Variants in CD96 observed in about 807,000 individuals in gnomAD.
CD96 encodes the protein T-cell surface protein tactile.
Under a neutral mutation model 71.3 loss-of-function variants are expected in CD96, and 70 were observed. The observed-to-expected ratio is 0.98, with a 90% CI of 0.81 to 1.20. CD96 has a LOEUF of 1.20. Among genes scored for constraint, CD96 ranks in the 50% most tolerant of loss-of-function variants. CD96 has a pLI of 0.00. For synonymous variants in CD96, 248 were observed against 233.0 expected, an observed-to-expected ratio of 1.06 and a Z score of -0.59; for missense variants, 742 against 677.5, an observed-to-expected ratio of 1.10 and a Z score of -1.06.
At chr3:111,575,775 C>T (rs1002383872) in intron 3 of CD96, among the ~76,000 whole-genome samples, 6 of 152,148 alleles carry the variant, frequency 3.9e-5, no homozygotes, top group Admixed American at 3.9e-4. Context: ...AATCTTTGTC[C>T]TCACATGGCA....
chr3:111,623,660 T>C, intron 8 of CD96, 94 bp from the exon 9 acceptor site: 1 of 795,806 alleles, frequency 1.3e-6, no homozygotes, highest in Non-Finnish European at 2.2e-6. Context: ...TCTTTCCAAC[T>C]CTAATATTCC....
At chr3:111,561,060 C>G (rs747648615) in intron 2 of CD96, among the ~76,000 whole-genome samples, 1,688 of 140,076 alleles carry the variant, frequency 0.012, 31 homozygotes, top group South Asian at 0.079. Context: ...TCAGCTCCAT[C>G]AGCTCCTTTA....
At chr3:111,593,291 T>C in intron 5 of CD96, 1 of 370,564 alleles carries the variant, frequency 2.7e-6, no homozygotes, top group Admixed American at 4.2e-5. Flanking sequence ...TCACAGAGTT[T>C]TACTTTGGTA....
intron 7 of CD96, among the ~76,000 whole-genome samples, chr3:111,604,108 C>T (rs1195314766): frequency 1.3e-5 from 2 of 152,094 alleles, no homozygotes; most frequent in East Asian, 3.9e-4. Flanking sequence ...ACCTAGCAAG[C>T]CCTGGGATTT....
intron 4 of CD96, 101 bp downstream of exon 4, chr3:111,579,335 G>T (rs931313838): frequency 1.3e-6 from 1 of 778,822 alleles, no homozygotes; most frequent in African/African-American, 1.7e-5. Context: ...GCAGCCACAT[G>T]TGGGTAACAG....
intron 12 of CD96, among the ~76,000 whole-genome samples, chr3:111,644,626 G>C (rs1216554270): frequency 6.6e-6 from 1 of 151,956 alleles, no homozygotes; most frequent in Non-Finnish European, 1.5e-5. Context: ...TTCTGACAAA[G>C]AACTACTATC....
intron 5 of CD96, among the ~76,000 whole-genome samples, chr3:111,588,852 C>A (rs968265590): frequency 6.6e-6 from 1 of 152,006 alleles, no homozygotes; most frequent in African/African-American, 2.4e-5. Context: ...TGTGTTGTAA[C>A]TTAATTTCTA....
At chr3:111,614,455 TG>T (rs1559757444) in intron 8 of CD96, among the ~76,000 whole-genome samples, 1 of 152,212 alleles carries the variant, frequency 6.6e-6, no homozygotes, top group East Asian at 1.9e-4. Context: ...TGGGGCACTC[TG>T]GCAGATTTTT....
At chr3:111,660,131 T>C (rs1370992304) in intron 14 of CD96, among the ~76,000 whole-genome samples, 1 of 152,190 alleles carries the variant, frequency 6.6e-6, no homozygotes, top group Non-Finnish European at 1.5e-5. Flanking sequence ...TCCTAAAGAC[T>C]CTGCCAGAAG....
At chr3:111,632,733 T>C (rs1410614496) in intron 10 of CD96, among the ~76,000 whole-genome samples, 1 of 152,158 alleles carries the variant, frequency 6.6e-6, no homozygotes, top group African/African-American at 2.4e-5. Flanking sequence ...TGCCCATCAA[T>C]AATAGACTGG....
intron 2 of CD96, among the ~76,000 whole-genome samples, chr3:111,558,873 C>T (rs541451272): frequency 0.022 from 3,291 of 151,604 alleles, 134 homozygotes; most frequent in African/African-American, 0.076. Context: ...TGACTATTGC[C>T]ACAATTTCAG....
chr3:111,602,610 G>A (rs923485235), intron 7 of CD96, among the ~76,000 whole-genome samples: 8 of 152,168 alleles, frequency 5.3e-5, no homozygotes, highest in Non-Finnish European at 1.0e-4. Context: ...ATAAAGCAGT[G>A]TCATCACTGT....
chr3:111,542,222 A>G lies in CD96; in HGVS notation c.-27A>G, dbSNP rs777673523. On this transcript the variant is annotated 5_prime_UTR_variant, in exon 1 of 14. It removes an upstream start codon present in the reference 5' UTR. Coordinates refer to ENST00000352690, the MANE Select transcript of CD96 (RefSeq NM_005816.5). Reference sequence around the variant, plus strand: ...AATTGACTTTGTGATCATTACAGAAATGCTGGTGTAAGGTGTTCAGAAGAC... The same window carrying G: ...AATTGACTTTGTGATCATTACAGAAGTGCTGGTGTAAGGTGTTCAGAAGAC... 1 of 1,603,338 alleles carries G rather than the reference A, an allele frequency of 6.2e-7. No homozygotes were observed. The highest frequency in any genetic ancestry group is 1.3e-5 in the African/African-American group (1 of 74,806).
chr3:111,547,573 T>G (rs952232763), intron 2 of CD96, among the ~76,000 whole-genome samples: 5 of 152,120 alleles, frequency 3.3e-5, no homozygotes, highest in African/African-American at 1.2e-4. Context: ...GGAGAACAGA[T>G]AGTATATTAT....
At chr3:111,569,845 C>T (rs891799671) in intron 3 of CD96, among the ~76,000 whole-genome samples, 3 of 152,156 alleles carry the variant, frequency 2.0e-5, no homozygotes, top group Non-Finnish European at 2.9e-5. Context: ...CAGTATCAAT[C>T]GCTACCCCCA....
intron 2 of CD96, among the ~76,000 whole-genome samples, chr3:111,546,966 G>A (rs1934440440): frequency 1.0e-5 from 1 of 98,386 alleles, no homozygotes; most frequent in South Asian, 4.0e-4. Context: ...AATTAAGGAT[G>A]GAGTGGAGTG....
intron 10 of CD96, among the ~76,000 whole-genome samples, chr3:111,628,141 C>T (rs963688982): frequency 6.6e-6 from 1 of 152,166 alleles, no homozygotes; most frequent in African/African-American, 2.4e-5. Flanking sequence ...ATCTCAACAC[C>T]TGCCCAGCAA....
chr3:111,589,759 T>C (rs563925770), intron 5 of CD96, among the ~76,000 whole-genome samples: 1 of 152,308 alleles, frequency 6.6e-6, no homozygotes, highest in South Asian at 2.1e-4. Context: ...AGAGCTGGGA[T>C]GCATATTTAG....
chr3:111,639,014 G>T (rs1244385025), intron 12 of CD96, among the ~76,000 whole-genome samples: 2 of 152,104 alleles, frequency 1.3e-5, no homozygotes, highest in East Asian at 3.9e-4. Context: ...AAAATATTTT[G>T]TTTGGCAAGA....
Sources: gnomAD v4.1 joint callset for allele counts (sites outside exome capture counted in the v4.1 genomes callset) on GRCh38, gnomAD v4.1.1 for gene constraint, MANE v1.5 for transcripts, NCBI Gene and HGNC (gene_info 2026-07-23, HGNC 2026-07-21) for gene names.